Variants in DAB1 observed in about 807,000 individuals in gnomAD.
The protein encoded by DAB1 is disabled homolog 1.
In DAB1, 15 loss-of-function variants were observed where a neutral mutation model predicts 64.6. That is an observed-to-expected ratio of 0.23 (90% CI 0.16 to 0.36). The LOEUF is 0.36. Among genes scored for constraint, DAB1 ranks in the 10% least tolerant of loss-of-function variants. DAB1 has a pLI of 1.00. For synonymous variants in DAB1, 235 were observed against 251.9 expected, an observed-to-expected ratio of 0.93 and a Z score of 0.64; for missense variants, 596 against 706.7, an observed-to-expected ratio of 0.84 and a Z score of 1.78.
At chr1:57,563,725 G>A (rs1645080987) in intron 7 of DAB1, among the ~76,000 whole-genome samples, 1 of 152,170 alleles carries the variant, frequency 6.6e-6, no homozygotes, top group Non-Finnish European at 1.5e-5. Context: ...ACTGCAAGGT[G>A]GCAGCAAGGC....
intron 1 of DAB1, among the ~76,000 whole-genome samples, chr1:57,335,260 C>A (rs982727711): frequency 2.0e-5 from 3 of 151,464 alleles, no homozygotes; most frequent in African/African-American, 7.3e-5. Flanking sequence ...TTAAAAAAAG[C>A]AAAATACATT....
At chr1:57,263,358 G>A (rs1553162171) in intron 2 of DAB1, among the ~76,000 whole-genome samples, 4 of 152,072 alleles carry the variant, frequency 2.6e-5, no homozygotes, top group Non-Finnish European at 5.9e-5. Flanking sequence ...GACCTCAGGT[G>A]ATCTGCCCAC....
chr1:57,960,493 TA>T lies in DAB1; in HGVS notation n.388-76332del, dbSNP rs34447871. ...TCATTAGTCCAGTAAGGAACCAAAT[TA>T]AAAAAAAAAAAAAGGAAATCTATGT... is the stretch of plus-strand genomic sequence containing the variant. On this transcript the variant is annotated intron_variant and non_coding_transcript_variant, in intron 5 of 20. Transcript: ENST00000485760. Among the ~76,000 whole-genome samples, 744 of 139,450 alleles carry T rather than the reference TA, an allele frequency of 5.3e-3. 8 individuals are homozygous for T. Among genetic ancestry groups the T allele is most frequent in the African/African-American group, 0.014 (542 of 37,420 alleles). 91.5% of individuals were successfully genotyped at this position (139,450 alleles called of 152,430 possible).
intron 5 of DAB1, among the ~76,000 whole-genome samples, chr1:58,129,256 T>C (rs1653353559): frequency 6.6e-6 from 1 of 151,782 alleles, no homozygotes. Context: ...GAGGTGTTTG[T>C]AGTATTCCCT....
At chr1:58,525,994 C>T (rs138676682) in intron 2 of DAB1, among the ~76,000 whole-genome samples, 2 of 151,826 alleles carry the variant, frequency 1.3e-5, no homozygotes, top group African/African-American at 4.8e-5. Context: ...TATTAGCTAT[C>T]CATAGGGGAA....
chr1:58,360,762 T>C (rs1249411475), intron 3 of DAB1, among the ~76,000 whole-genome samples: 1 of 152,200 alleles, frequency 6.6e-6, no homozygotes, highest in Non-Finnish European at 1.5e-5. Flanking sequence ...CATTAGAACC[T>C]ATAGTAACTT....
At chr1:57,328,521 G>A (rs957333222) in intron 1 of DAB1, among the ~76,000 whole-genome samples, 7 of 152,178 alleles carry the variant, frequency 4.6e-5, no homozygotes, top group African/African-American at 1.7e-4. Context: ...TTGCAGTAGG[G>A]AAGCACGTTT....
intron 1 of DAB1, among the ~76,000 whole-genome samples, chr1:57,857,380 A>T (rs559441492): frequency 6.6e-6 from 1 of 152,340 alleles, no homozygotes; most frequent in South Asian, 2.1e-4. Context: ...AACAATATAC[A>T]TGTATGAAGA....
chr1:58,077,164 T>C (rs1000959938), intron 5 of DAB1, among the ~76,000 whole-genome samples: 4 of 152,148 alleles, frequency 2.6e-5, no homozygotes, highest in African/African-American at 9.7e-5. Context: ...ATAATGATAA[T>C]ACCATCAGTG....
At chr1:57,040,995 C>A (rs1334046144) in intron 9 of DAB1, among the ~76,000 whole-genome samples, 1 of 152,078 alleles carries the variant, frequency 6.6e-6, no homozygotes, top group Non-Finnish European at 1.5e-5. Context: ...AGATGGCATC[C>A]AAATGGTAAC....
intron 3 of DAB1, among the ~76,000 whole-genome samples, chr1:58,454,848 C>T (rs751417527): frequency 2.0e-5 from 3 of 152,170 alleles, no homozygotes; most frequent in African/African-American, 4.8e-5. Flanking sequence ...CTCTTCCTAC[C>T]TTTGAATATT....
intron 2 of DAB1, among the ~76,000 whole-genome samples, chr1:57,170,577 G>C (rs1661651667): frequency 6.6e-6 from 1 of 152,134 alleles, no homozygotes; most frequent in Admixed American, 6.5e-5. Context: ...TGAGATTCAG[G>C]GAGGTGCAGG....
intron 5 of DAB1, among the ~76,000 whole-genome samples, chr1:57,911,871 T>C (rs774630595): frequency 6.6e-6 from 1 of 152,218 alleles, no homozygotes; most frequent in African/African-American, 2.4e-5. Context: ...GGGAGCTTCC[T>C]GCACTTACTA....
chr1:57,226,223 T>A (rs1251742287), intron 2 of DAB1, among the ~76,000 whole-genome samples: 3 of 152,254 alleles, frequency 2.0e-5, no homozygotes, highest in Non-Finnish European at 4.4e-5. Flanking sequence ...TGCTTATCGC[T>A]AGCAGAGACC....
chr1:58,006,182 T>C (rs1386579377), intron 5 of DAB1, among the ~76,000 whole-genome samples: 2 of 152,196 alleles, frequency 1.3e-5, no homozygotes, highest in African/African-American at 4.8e-5. Flanking sequence ...AGGTAGTCAA[T>C]GAATATTTAT....
intron 7 of DAB1, among the ~76,000 whole-genome samples, chr1:57,508,260 C>T (rs1208003986): frequency 6.6e-6 from 1 of 152,182 alleles, no homozygotes; most frequent in African/African-American, 2.4e-5. Context: ...CAAAATTCCA[C>T]CCCTCTACAT....
chr1:57,813,510 T>C lies in DAB1; in HGVS notation n.551+70489A>G, dbSNP rs11808861. 4.4e-4 allele frequency among the ~76,000 whole-genome samples: 67 copies of C among 152,324 alleles called. 1 individual carries two copies. Among genetic ancestry groups the C allele is most frequent in the African/African-American group, 1.5e-3 (63 of 41,572 alleles). ...CACAGCAGAGGAACAGGCAGATGTG[T>C]AAATCTAGCAATTATCTCACAATGC... is the stretch of plus-strand genomic sequence containing the variant. On this transcript the variant is annotated intron_variant and non_coding_transcript_variant, in intron 6 of 20. Transcript: ENST00000485760.
intron 7 of DAB1, among the ~76,000 whole-genome samples, chr1:57,512,282 T>C (rs1026415703): frequency 6.6e-6 from 1 of 152,226 alleles, no homozygotes; most frequent in African/African-American, 2.4e-5. Flanking sequence ...ATCCCCAGGA[T>C]CTAGCATCCT....
At chr1:58,121,283 C>T (rs375986494) in intron 5 of DAB1, among the ~76,000 whole-genome samples, 1 of 152,186 alleles carries the variant, frequency 6.6e-6, no homozygotes, top group Non-Finnish European at 1.5e-5. Context: ...TCTTTAATGG[C>T]TTCCCACTGT....
Sources: allele counts gnomAD v4.1 joint callset (sites outside exome capture counted in the v4.1 genomes callset), GRCh38; gene constraint gnomAD v4.1.1; transcripts MANE v1.5; gene names NCBI Gene and HGNC (gene_info 2026-07-23, HGNC 2026-07-21).